Variants in KCNQ5 observed in about 807,000 individuals in gnomAD.
KCNQ5 encodes potassium voltage-gated channel subfamily Q member 5.
Under a neutral mutation model 98.2 loss-of-function variants are expected in KCNQ5, and 30 were observed. The ratio of observed to expected loss-of-function variants is 0.31; its 90% CI spans 0.23 to 0.41. KCNQ5 has a LOEUF of 0.41. KCNQ5 is among the 10% of genes least tolerant of loss of function. The probability of loss-of-function intolerance (pLI) is 1.00; values close to 1 mark genes in which losing one functional copy is unlikely to be tolerated. For synonymous variants in KCNQ5, 458 were observed against 449.4 expected, an observed-to-expected ratio of 1.02 and a Z score of -0.24; for missense variants, 835 against 1,182.5, an observed-to-expected ratio of 0.71 and a Z score of 4.31.
At position 73,124,964 on chromosome 6, in the gene KCNQ5, TATATATATATATATATACAC is replaced by T. The variant is rs1278733634; in HGVS notation, c.1247+454_1247+473del. Among the ~76,000 whole-genome samples, 66 of 19,672 alleles carry T rather than the reference TATATATATATATATATACAC, an allele frequency of 3.4e-3. 2 individuals are homozygous for T. Among genetic ancestry groups the T allele is most frequent in the Admixed American group, 5.6e-3 (6 of 1,064 alleles). 12.9% of individuals were successfully genotyped at this position (19,672 alleles called of 152,430 possible). A position where few individuals can be genotyped will look rare whatever the true frequency, so the allele number is the denominator to read the frequency against. On this transcript the variant is annotated intron_variant, in intron 9 of 13. Coordinates refer to ENST00000370398, the MANE Select transcript of KCNQ5 (RefSeq NM_019842.4). The stretch of plus-strand genomic sequence containing the variant: ...ATATATATATATATATATATATATA[TATATATATATATATATACAC>T]ACACACACATATATATATCATATAC...
At chr6:73,080,784 A>G (rs1773731399) in intron 5 of KCNQ5, among the ~76,000 whole-genome samples, 1 of 152,168 alleles carries the variant, frequency 6.6e-6, no homozygotes, top group Non-Finnish European at 1.5e-5. Flanking sequence ...TTAAGTATCA[A>G]AATATAGGTT....
At chr6:73,179,578 C>T (rs375093522) in intron 11 of KCNQ5, among the ~76,000 whole-genome samples, 1 of 152,092 alleles carries the variant, frequency 6.6e-6, no homozygotes, top group Non-Finnish European at 1.5e-5. Context: ...GAATGCATGT[C>T]GGTAGTGTAA....
At chr6:73,067,707 C>T (rs1229340185) in intron 3 of KCNQ5, among the ~76,000 whole-genome samples, 1 of 152,026 alleles carries the variant, frequency 6.6e-6, no homozygotes, top group Non-Finnish European at 1.5e-5. Context: ...TAAATGTTGC[C>T]CATTTCTCTT....
chr6:72,720,557 C>G (rs1393145626), intron 1 of KCNQ5, among the ~76,000 whole-genome samples: 1 of 152,108 alleles, frequency 6.6e-6, no homozygotes, highest in Admixed American at 6.5e-5. Flanking sequence ...TCTGCAGTTT[C>G]TTTCCTACTT....
Position 72,930,579 on chromosome 6 carries a change from C to CAAAA in KCNQ5, c.399-73312_399-73309dup, listed in dbSNP as rs5877339. Among the ~76,000 whole-genome samples the CAAAA allele has an allele frequency of 7.5e-3, 709 of 94,102 alleles. 10 individuals carry two copies. The highest frequency in any genetic ancestry group is 0.023 in the African/African-American group (611 of 26,920). The allele number at this position is 94,102 out of a possible 152,430, so 61.7% of individuals were successfully genotyped here. ...GAGTTAAGACATATGGACATTTTACCAAAAAAAAAAAAAAAAAAAACCGCT... is the reference window on the plus strand; with the variant it reads ...GAGTTAAGACATATGGACATTTTACCAAAAAAAAAAAAAAAAAAAAAAAACCGCT... On this transcript the variant is annotated intron_variant, in intron 1 of 13. Coordinates refer to ENST00000370398, the MANE Select transcript of KCNQ5 (RefSeq NM_019842.4).
chr6:72,752,032 A>G (rs1004031806), intron 1 of KCNQ5, among the ~76,000 whole-genome samples: 7 of 152,088 alleles, frequency 4.6e-5, no homozygotes, highest in African/African-American at 1.7e-4. Flanking sequence ...TTTTTGCTAT[A>G]CTACCATACA....
rs1770371078 is a variant in KCNQ5 at position 73,016,878 on chromosome 6, C to T, written c.489+12880C>T. 2.6e-5 allele frequency among the ~76,000 whole-genome samples: 4 copies of T among 152,222 alleles called. No homozygotes were observed. In the South Asian group the frequency reaches 8.3e-4, roughly 32 times the overall value. ...CCTGCCTCCTGCCAGACATGGTTTGCTTTGTCTGTGGTTCCCATTTGCTTA... is the reference window on the plus strand; with the variant it reads ...CCTGCCTCCTGCCAGACATGGTTTGTTTTGTCTGTGGTTCCCATTTGCTTA... On this transcript the variant is annotated intron_variant, in intron 2 of 13. Coordinates refer to ENST00000370398, the MANE Select transcript of KCNQ5 (RefSeq NM_019842.4).
chr6:72,819,566 G>A (rs1016780297), intron 1 of KCNQ5, among the ~76,000 whole-genome samples: 7 of 152,060 alleles, frequency 4.6e-5, no homozygotes, highest in African/African-American at 1.7e-4. Flanking sequence ...TATTCCATAA[G>A]CAATCCAAGT....
intron 3 of KCNQ5, among the ~76,000 whole-genome samples, chr6:73,075,263 G>C (rs1401710316): frequency 6.8e-5 from 10 of 146,140 alleles, no homozygotes; most frequent in Non-Finnish European, 1.0e-4. Flanking sequence ...TTGCTCTGTC[G>C]CTAGGCTGGA....
In KCNQ5 at chr6:73,075,474, G is replaced by A. The variant is rs559987037; in HGVS notation, c.617-1848G>A. ...CTGACCTCATGATCCGCCCACCTTG[G>A]CCTCCCAAAGTGCTGGGATTACAAG... On this transcript the variant is annotated intron_variant, in intron 3 of 13. Transcript: ENST00000370398. Among the ~76,000 whole-genome samples, 110 of 152,182 alleles carry A rather than the reference G, an allele frequency of 7.2e-4. 1 individual carries two copies. Among genetic ancestry groups the A allele is most frequent in the African/African-American group, 2.1e-3 (89 of 41,528 alleles).
intron 1 of KCNQ5, among the ~76,000 whole-genome samples, chr6:72,708,082 C>T (rs1769179496): frequency 1.3e-5 from 2 of 152,174 alleles, no homozygotes; most frequent in African/African-American, 4.8e-5. Flanking sequence ...TAGTAGCTCT[C>T]TTTACTCTTC....
chr6:72,708,576 A>G lies in KCNQ5; in HGVS notation c.398+85989A>G, dbSNP rs542629891. On this transcript the variant is annotated intron_variant, in intron 1 of 13. Transcript: ENST00000370398. ...CACTCTGTTGCCCAGGCTGGAGTGC[A>G]GTGCTGCAATCCACAGCTCACTACA... 4.9e-4 allele frequency among the ~76,000 whole-genome samples: 74 copies of G among 152,300 alleles called. 1 individual carries two copies. The highest frequency in any genetic ancestry group is 1.7e-3 in the African/African-American group (70 of 41,572).
At chr6:72,827,662 T>G (rs917838509) in intron 1 of KCNQ5, among the ~76,000 whole-genome samples, 1 of 152,178 alleles carries the variant, frequency 6.6e-6, no homozygotes, top group Non-Finnish European at 1.5e-5. Flanking sequence ...ACAAATATTT[T>G]CTTCCATTCT....
At chr6:72,648,832 A>C (rs2154472297) in intron 1 of KCNQ5, among the ~76,000 whole-genome samples, 1 of 151,868 alleles carries the variant, frequency 6.6e-6, no homozygotes, top group Non-Finnish European at 1.5e-5. Context: ...CAGAAGAAAA[A>C]AAAAGAAAAG....
chr6:72,986,799 T>A, intron 1 of KCNQ5: 1 of 1,393,236 alleles, frequency 7.2e-7, no homozygotes, highest in Non-Finnish European at 1.0e-6. Flanking sequence ...GGCAAGAAGC[T>A]CAAATAACAC....
intron 3 of KCNQ5, among the ~76,000 whole-genome samples, chr6:73,066,939 T>C (rs1407920720): frequency 6.6e-6 from 1 of 152,178 alleles, no homozygotes; most frequent in Non-Finnish European, 1.5e-5. Context: ...AAAAAAATTA[T>C]AAATTTCTGC....
chr6:72,746,064 CAAAAAAAAAA>C (rs59726566), intron 1 of KCNQ5, among the ~76,000 whole-genome samples: 28 of 80,190 alleles, frequency 3.5e-4, no homozygotes, highest in African/African-American at 9.4e-4. Flanking sequence ...ACTCTATTTG[CAAAAAAAAAA>C]AAAAAAAAAA....
At chr6:72,945,423 GC>G (rs2150246386) in intron 1 of KCNQ5, among the ~76,000 whole-genome samples, 1 of 117,858 alleles carries the variant, frequency 8.5e-6, no homozygotes, top group African/African-American at 3.4e-5. Context: ...CCCACGACAG[GC>G]CCCGGTGTGT....
intron 1 of KCNQ5, among the ~76,000 whole-genome samples, chr6:72,918,150 C>T (rs530935929): frequency 6.6e-6 from 1 of 152,238 alleles, no homozygotes; most frequent in Admixed American, 6.5e-5. Context: ...TTTCCTGTGT[C>T]ACTATGCCCC....
Sources: gnomAD v4.1 joint callset for allele counts (sites outside exome capture counted in the v4.1 genomes callset) on GRCh38, gnomAD v4.1.1 for gene constraint, MANE v1.5 for transcripts, NCBI Gene and HGNC (gene_info 2026-07-23, HGNC 2026-07-21) for gene names.